Variants in SH3KBP1 observed in about 807,000 individuals in gnomAD.
The protein encoded by SH3KBP1 is SH3 domain containing kinase binding protein 1, also known as SH3 domain-containing kinase-binding protein 1.
SH3KBP1 carries 8 observed loss-of-function variants against 50.1 expected under a neutral mutation model. The observed-to-expected ratio is 0.16, with a 90% CI of 0.09 to 0.29. The LOEUF (loss-of-function observed/expected upper bound fraction) is 0.29. Among genes scored for constraint, SH3KBP1 ranks in the 10% least tolerant of loss-of-function variants. The pLI is 1.00. For synonymous variants in SH3KBP1, 227 were observed against 218.6 expected (o/e 1.04, Z -0.34); for missense variants, 377 against 535.2 (o/e 0.70, Z 2.92).
chrX:19,558,822 G>T (rs1175156514), intron 13 of SH3KBP1, among the ~76,000 whole-genome samples: 1 of 111,927 alleles, frequency 8.9e-6, no homozygotes, highest in Non-Finnish European at 1.9e-5. Flanking sequence ...TTTTAAGCAT[G>T]ACAAAACAGA....
At chrX:19,723,168 TTAAAAG>T (rs1458604807) in intron 3 of SH3KBP1, among the ~76,000 whole-genome samples, 3 of 104,914 alleles carry the variant, frequency 2.9e-5, no homozygotes, top group Admixed American at 2.0e-4. Context: ...AAAAAAAGTG[TTAAAAG>T]TAAAAGAGTC....
intron 6 of SH3KBP1, among the ~76,000 whole-genome samples, chrX:19,674,431 C>T (rs1161029491): frequency 1.8e-5 from 2 of 112,233 alleles, no homozygotes; most frequent in Non-Finnish European, 3.8e-5. Context: ...AAGCTTCACA[C>T]TGCTGATCCA....
chrX:19,742,428 A>G (rs758486805), intron 3 of SH3KBP1, among the ~76,000 whole-genome samples: 1 of 111,451 alleles, frequency 9.0e-6, no homozygotes, highest in South Asian at 3.7e-4. Flanking sequence ...TTTTAATTCA[A>G]GTAGGTAAGA....
At chrX:19,877,632 C>A (rs1236737408) in intron 1 of SH3KBP1, among the ~76,000 whole-genome samples, 1 of 111,851 alleles carries the variant, frequency 8.9e-6, no homozygotes, top group Non-Finnish European at 1.9e-5. Flanking sequence ...TAGAACAGTC[C>A]AGAAAAATCT....
chrX:19,725,547 C>T (rs886427411), intron 3 of SH3KBP1, among the ~76,000 whole-genome samples: 4 of 111,484 alleles, frequency 3.6e-5, no homozygotes, highest in African/African-American at 3.3e-5. Context: ...ATCTGCTGCT[C>T]AACCACATAG....
At chrX:19,625,303 C>A (rs1272379131) in intron 8 of SH3KBP1, among the ~76,000 whole-genome samples, 2 of 110,801 alleles carry the variant, frequency 1.8e-5, no homozygotes, top group Non-Finnish European at 3.8e-5. Flanking sequence ...CACAGAATGT[C>A]TTAGGAAGGG....
chrX:19,534,673 A>G lies in SH3KBP1; in HGVS notation c.*1744T>C. 3.5e-6 allele frequency: 1 copy of G among 289,789 alleles called. No homozygotes were observed. Among genetic ancestry groups the G allele is most frequent in the Non-Finnish European group, 6.0e-6 (1 of 165,967 alleles). The allele number at this position is 289,789 out of a possible 1,213,427, so 23.9% of individuals were successfully genotyped here. A position where few individuals can be genotyped will look rare whatever the true frequency, so the allele number is the denominator to read the frequency against. ...AACCCGAGGCTGCTGAAAAGGCAATATATCCAGGGATGGGAATGGAGGGTA... is the reference window on the plus strand; with the variant it reads ...AACCCGAGGCTGCTGAAAAGGCAATGTATCCAGGGATGGGAATGGAGGGTA... On this transcript the variant is annotated 3_prime_UTR_variant, in exon 18 of 18. Coordinates refer to ENST00000397821, the MANE Select transcript of SH3KBP1 (RefSeq NM_031892.3).
chrX:19,596,930 C>T (rs2066921736), intron 9 of SH3KBP1, among the ~76,000 whole-genome samples: 1 of 111,481 alleles, frequency 9.0e-6, no homozygotes, highest in African/African-American at 3.3e-5. Flanking sequence ...GAAAGTCATC[C>T]CTGAGGGTTG....
chrX:19,698,671 C>T (rs1452167837), intron 4 of SH3KBP1, among the ~76,000 whole-genome samples: 3 of 111,661 alleles, frequency 2.7e-5, no homozygotes, highest in East Asian at 5.6e-4. Context: ...CAGTGAGAGT[C>T]GTTCAGTACT....
chrX:19,644,369 T>C (rs187207091), intron 7 of SH3KBP1, among the ~76,000 whole-genome samples: 168 of 112,114 alleles, frequency 1.5e-3, no homozygotes, highest in Admixed American at 3.4e-3. Context: ...AACTGGATTG[T>C]TTGTAACTCA....
intron 1 of SH3KBP1, among the ~76,000 whole-genome samples, chrX:19,853,987 T>C (rs2068582161): frequency 9.2e-6 from 1 of 108,560 alleles, no homozygotes; most frequent in Admixed American, 9.8e-5. Flanking sequence ...CAGCCAGAAG[T>C]CCCTTCTCAA....
intron 1 of SH3KBP1, among the ~76,000 whole-genome samples, chrX:19,886,073 G>A (rs1299104227): frequency 8.9e-6 from 1 of 112,140 alleles, no homozygotes; most frequent in African/African-American, 3.2e-5. Context: ...TTAGACTACA[G>A]GTGGGAGAGA....
chrX:19,562,668 T>C (rs1362337817), intron 13 of SH3KBP1, among the ~76,000 whole-genome samples: 1 of 110,115 alleles, frequency 9.1e-6, no homozygotes, highest in African/African-American at 3.3e-5. Flanking sequence ...GCCACAGAGA[T>C]GCAGGCGACC....
Position 19,568,158 on chromosome X carries a change from T to C in SH3KBP1, c.1384+945A>G, listed in dbSNP as rs375209395. ...GGATGGTTAATAGGTACAAAAAATA[T>C]AGTTAGAAAGAATGAATAAGACCTA... is the stretch of plus-strand genomic sequence containing the variant. On this transcript the variant is annotated intron_variant, in intron 13 of 17. Coordinates refer to ENST00000397821, the MANE Select transcript of SH3KBP1 (RefSeq NM_031892.3). Among the ~76,000 whole-genome samples the C allele has an allele frequency of 7.8e-4, 87 of 111,655 alleles. 1 individual carries two copies. Among genetic ancestry groups the C allele is most frequent in the African/African-American group, 2.7e-3 (83 of 30,708 alleles).
chrX:19,630,617 G>A (rs550287179), intron 8 of SH3KBP1, among the ~76,000 whole-genome samples: 2 of 111,527 alleles, frequency 1.8e-5, no homozygotes, highest in African/African-American at 6.5e-5. Context: ...CGAGTTCTTG[G>A]GTGATCTGCA....
At chrX:19,844,250 G>T (rs762150395) in intron 1 of SH3KBP1, among the ~76,000 whole-genome samples, 1 of 111,573 alleles carries the variant, frequency 9.0e-6, no homozygotes, top group Non-Finnish European at 1.9e-5. Flanking sequence ...TTAAAGGGCA[G>T]ATCTGAGCAC....
intron 8 of SH3KBP1, among the ~76,000 whole-genome samples, chrX:19,609,823 C>T (rs952644363): frequency 1.8e-5 from 2 of 112,293 alleles, no homozygotes; most frequent in African/African-American, 6.5e-5. Flanking sequence ...AGAATCAATG[C>T]AGACTCTTTC....
At chrX:19,778,757 G>A (rs1050165528) in intron 2 of SH3KBP1, among the ~76,000 whole-genome samples, 4 of 110,707 alleles carry the variant, frequency 3.6e-5, no homozygotes, top group African/African-American at 1.3e-4. Context: ...AGCAGCAGGG[G>A]CTTCCAGGAG....
chrX:19,731,111 G>C (rs1376813237), intron 3 of SH3KBP1, among the ~76,000 whole-genome samples: 1 of 110,426 alleles, frequency 9.1e-6, no homozygotes, highest in Non-Finnish European at 1.9e-5. Flanking sequence ...GGCTAATTTT[G>C]TATTTCTAGT....
Sources: gnomAD v4.1 joint callset for allele counts (sites outside exome capture counted in the v4.1 genomes callset) on GRCh38, gnomAD v4.1.1 for gene constraint, MANE v1.5 for transcripts, NCBI Gene and HGNC (gene_info 2026-07-23, HGNC 2026-07-21) for gene names.